The following PHACTR2 variants were observed in gnomAD, a reference collection of about 807,000 sequenced individuals.
PHACTR2 encodes chromosome 6 open reading frame 56.
In PHACTR2, 30 loss-of-function variants were observed where a neutral mutation model predicts 76.0. That is an observed-to-expected ratio of 0.39 (90% CI 0.30 to 0.54). The LOEUF (loss-of-function observed/expected upper bound fraction) is 0.54. PHACTR2 is among the 20% of genes least tolerant of loss of function. The pLI is 0.61. For missense variants in PHACTR2, 696 were observed against 781.1 expected (o/e 0.89, Z 1.30); for synonymous variants, 292 against 292.5 (o/e 1.00, Z 0.02).
rs1030874957 is a variant in PHACTR2, at chr6:143,658,881, C to A, written c.13+50559C>A. On this transcript the variant is annotated intron_variant, in intron 1 of 11. Coordinates refer to the PHACTR2 transcript ENST00000305766. This position sits in a 1 kb window ranked among gnomAD's most constrained non-coding sequence, Gnocchi z 4.1. ...CTCTACTAAAAATACAAAACTTAGCCGGTCAGGGTGGCATGCGCCTATAAT... is the reference window on the plus strand; with the variant it reads ...CTCTACTAAAAATACAAAACTTAGCAGGTCAGGGTGGCATGCGCCTATAAT... Among the ~76,000 whole-genome samples, 1 of 152,020 alleles carries A rather than the reference C, an allele frequency of 6.6e-6. No individual in the cohort carries two copies. The highest frequency in any genetic ancestry group is 1.5e-5 in the Non-Finnish European group (1 of 67,938).
rs1401065962 is a variant in PHACTR2 at position 143,689,099 on chromosome 6, T to C, written c.46+10890T>C. ...CGTTGCTGCACCCTGTTTGAGACACTCTTCCCTTCGCTCTTCGCCAAGCTG... is the reference window on the plus strand; with the variant it reads ...CGTTGCTGCACCCTGTTTGAGACACCCTTCCCTTCGCTCTTCGCCAAGCTG... On this transcript the variant is annotated intron_variant, in intron 1 of 12. Coordinates refer to ENST00000440869, the MANE Select transcript of PHACTR2 (RefSeq NM_001100164.2). The surrounding 1 kb of genome is among the most constrained non-coding windows in gnomAD (Gnocchi z 4.4). 6.6e-6 allele frequency among the ~76,000 whole-genome samples: 1 copy of C among 152,204 alleles called. No individual in the cohort carries two copies. The highest frequency in any genetic ancestry group is 2.4e-5 in the African/African-American group (1 of 41,456).
At chr6:143,771,176 A>ATATATATG (rs1562300751) in intron 6 of PHACTR2, among the ~76,000 whole-genome samples, 14 of 19,124 alleles carry the variant, frequency 7.3e-4, no homozygotes, top group African/African-American at 2.7e-3. Context: ...ATATATATGT[A>ATATATATG]TATATATATA....
intron 1 of PHACTR2, among the ~76,000 whole-genome samples, chr6:143,660,437 CA>C (rs1485490861): frequency 9.9e-5 from 15 of 152,188 alleles, no homozygotes; most frequent in Admixed American, 8.5e-4. Flanking sequence ...ACAAGAACAG[CA>C]CAGGAAAGAG....
At position 143,668,382 on chromosome 6, in the gene PHACTR2, G is replaced by A. The variant is rs542011248; in HGVS notation, c.14-43634G>A. Among the ~76,000 whole-genome samples the A allele has an allele frequency of 8.2e-4, 125 of 152,234 alleles. 2 individuals carry two copies. In the South Asian group the frequency reaches 0.025, roughly 30 times the overall value. ...AGGTTTTGGTATCAGGATGATGTTG[G>A]CCTCATAAAATGAGTTAGGGAGGAG... On this transcript the variant is annotated intron_variant, in intron 1 of 11. Coordinates refer to the PHACTR2 transcript ENST00000305766.
chr6:143,564,315 A>T (rs1488233866), intron 1 of PHACTR2, among the ~76,000 whole-genome samples: 1 of 149,010 alleles, frequency 6.7e-6, no homozygotes, highest in Non-Finnish European at 1.5e-5. Context: ...TTAATAATAA[A>T]ATAAGTTGGC....
At chr6:143,741,221 A>G (rs546602604) in intron 2 of PHACTR2, among the ~76,000 whole-genome samples, 3 of 149,584 alleles carry the variant, frequency 2.0e-5, no homozygotes, top group African/African-American at 2.4e-5. Context: ...TACTAAAAAT[A>G]CAAAAATTAG....
chr6:143,780,523 T>G lies in PHACTR2; in HGVS notation c.1646-2696T>G, dbSNP rs1267754193. ...AAGAAAAACAAATCCACAAAAAAAT[T>G]TGGCTTTTTGAACCCATTTTATCTG... On this transcript the variant is annotated intron_variant, in intron 9 of 12. Transcript: ENST00000440869. The surrounding 1 kb of genome is among the most constrained non-coding windows in gnomAD (Gnocchi z 4.4). 6.6e-6 allele frequency among the ~76,000 whole-genome samples: 1 copy of G among 152,198 alleles called. No homozygotes were observed. The highest frequency in any genetic ancestry group is 6.5e-5 in the Admixed American group (1 of 15,282).
chr6:143,787,550 G>GT lies in PHACTR2; in HGVS notation c.1708-1221dup, dbSNP rs1448012564. Among the ~76,000 whole-genome samples the GT allele has an allele frequency of 6.6e-6, 1 of 152,180 alleles. No homozygotes were observed. The highest frequency in any genetic ancestry group is 1.5e-5 in the Non-Finnish European group (1 of 68,028). Reference sequence around the variant, plus strand: ...CTTTGAATATTACAGTATTGGCTTAGTTCAGAAGGAAACTGAGGCCCAGGA... The same window carrying GT: ...CTTTGAATATTACAGTATTGGCTTAGTTTCAGAAGGAAACTGAGGCCCAGGA... On this transcript the variant is annotated intron_variant, in intron 10 of 12. Coordinates refer to ENST00000440869, the MANE Select transcript of PHACTR2 (RefSeq NM_001100164.2). This position sits in a 1 kb window ranked among gnomAD's most constrained non-coding sequence, Gnocchi z 4.6.
At chr6:143,785,524 G>A (rs1178833204) in intron 10 of PHACTR2, among the ~76,000 whole-genome samples, 2 of 152,174 alleles carry the variant, frequency 1.3e-5, no homozygotes, top group African/African-American at 2.4e-5. Context: ...CTGGGTTCTG[G>A]AGGACAGTGA....
rs1777434667 is a variant in PHACTR2 at position 143,683,107 on chromosome 6, T to C, written c.46+4898T>C. ...GTTTACAAAAGTATTTTACTGAGAATTGGATCCATTATTTCTAAGTACAGG... is the reference window on the plus strand; with the variant it reads ...GTTTACAAAAGTATTTTACTGAGAACTGGATCCATTATTTCTAAGTACAGG... On this transcript the variant is annotated intron_variant, in intron 1 of 12. Transcript: ENST00000440869. The surrounding 1 kb of genome is among the most constrained non-coding windows in gnomAD (Gnocchi z 4.1). Among the ~76,000 whole-genome samples, 1 of 152,228 alleles carries C rather than the reference T, an allele frequency of 6.6e-6. No homozygotes were observed. Among genetic ancestry groups the C allele is most frequent in the African/African-American group, 2.4e-5 (1 of 41,454 alleles).
chr6:143,635,316 ATGTGTGTG>A lies in PHACTR2; in HGVS notation c.13+27022_13+27029del, dbSNP rs71834478. 1.4e-3 allele frequency among the ~76,000 whole-genome samples: 208 copies of A among 149,816 alleles called. 1 individual carries two copies. Among genetic ancestry groups the A allele is most frequent in the South Asian group, 1.9e-3 (9 of 4,686 alleles). The stretch of plus-strand genomic sequence containing the variant: ...AGTTCATATTGACGGAGCATTTAGG[ATGTGTGTG>A]TGTGTGTGTGTGTGTGTGTGTGTGT... On this transcript the variant is annotated intron_variant, in intron 1 of 11. Coordinates refer to the PHACTR2 transcript ENST00000305766.
In PHACTR2 at chr6:143,609,249, G is replaced by A. The variant is rs1364736288; in HGVS notation, c.13+927G>A. ...GAAACATATTTGTTTATGAAATTGA[G>A]CTAGTTCAGTCCTCGGCACAGGTAG... On this transcript the variant is annotated intron_variant, in intron 1 of 11. Transcript: ENST00000305766. Among the ~76,000 whole-genome samples, 4 of 152,290 alleles carry A rather than the reference G, an allele frequency of 2.6e-5. 1 individual carries two copies. In the South Asian group the frequency reaches 6.2e-4, roughly 24 times the overall value.
chr6:143,587,127 C>T (rs1756741566), intron 1 of PHACTR2, among the ~76,000 whole-genome samples: 1 of 152,124 alleles, frequency 6.6e-6, no homozygotes, highest in Admixed American at 6.5e-5. Context: ...CTCTTTGAGG[C>T]TGAAGCAAGT....
intron 4 of PHACTR2, among the ~76,000 whole-genome samples, chr6:143,759,470 G>A (rs1779380659): frequency 6.6e-6 from 1 of 151,982 alleles, no homozygotes; most frequent in South Asian, 2.1e-4. Flanking sequence ...CCTGGGCAAT[G>A]TGGCAAAACC....
At chr6:143,712,543 T>G (rs75055882) in intron 2 of PHACTR2, among the ~76,000 whole-genome samples, 2 of 144,668 alleles carry the variant, frequency 1.4e-5, no homozygotes, top group Admixed American at 1.4e-4. Flanking sequence ...TGTTATATAT[T>G]TAGTTAGACT....
Position 143,684,575 on chromosome 6 carries a change from T to A in PHACTR2, c.46+6366T>A, listed in dbSNP as rs1185278352. 6.6e-6 allele frequency among the ~76,000 whole-genome samples: 1 copy of A among 152,254 alleles called. No individual in the cohort carries two copies. The highest frequency in any genetic ancestry group is 1.5e-5 in the Non-Finnish European group (1 of 68,038). ...TGTGTTTTATTTTGATAGACTTTGC[T>A]ACATTATTCTCAAAGAGGCTTTCTC... On this transcript the variant is annotated intron_variant, in intron 1 of 12. Coordinates refer to ENST00000440869, the MANE Select transcript of PHACTR2 (RefSeq NM_001100164.2). The surrounding 1 kb of genome is among the most constrained non-coding windows in gnomAD (Gnocchi z 4.3).
intron 1 of PHACTR2, among the ~76,000 whole-genome samples, chr6:143,690,912 T>A (rs951564610): frequency 6.6e-6 from 1 of 152,228 alleles, no homozygotes; most frequent in Non-Finnish European, 1.5e-5. Context: ...GTGTTTTTAT[T>A]TTAGGGATGC....
At chr6:143,551,291 G>T (rs1775091869) in intron 1 of PHACTR2, among the ~76,000 whole-genome samples, 1 of 149,790 alleles carries the variant, frequency 6.7e-6, no homozygotes, top group South Asian at 2.1e-4. Flanking sequence ...ACATACCTAT[G>T]ATAGAGTTTA....
Position 143,678,635 on chromosome 6 carries a change from GGTTT to G in PHACTR2, c.46+430_46+433del, listed in dbSNP as rs1777311932. On this transcript the variant is annotated intron_variant, in intron 1 of 12. Transcript: ENST00000440869. The surrounding 1 kb of genome is among the most constrained non-coding windows in gnomAD (Gnocchi z 6.2). ...CTTTCAAGCTTGTCAACTGATTTAT[GGTTT>G]GTTATTCGGAGTAGAAGCGCTGATC... 6.6e-6 allele frequency among the ~76,000 whole-genome samples: 1 copy of G among 152,198 alleles called. No individual in the cohort carries two copies. The highest frequency in any genetic ancestry group is 1.5e-5 in the Non-Finnish European group (1 of 68,030).
Sources: allele counts gnomAD v4.1 joint callset (sites outside exome capture counted in the v4.1 genomes callset), GRCh38; gene constraint gnomAD v4.1.1; non-coding constraint Gnocchi (gnomAD v3.1); transcripts MANE v1.5; gene names NCBI Gene and HGNC (gene_info 2026-07-23, HGNC 2026-07-21).